RYR1: variants seen among roughly 807,000 people sequenced by gnomAD.
The protein encoded by RYR1 is central core disease of muscle.
In RYR1, 342 loss-of-function variants were observed where a neutral mutation model predicts 583.5. The observed-to-expected ratio is 0.59, with a 90% CI of 0.54 to 0.64. RYR1 has a LOEUF of 0.64. Ranked by LOEUF, RYR1 falls within the 30% of genes least tolerant of loss-of-function variation. The pLI, the probability that RYR1 is intolerant of heterozygous loss-of-function variation, is 0.00. For missense variants in RYR1, 6,032 were observed against 6,917.2 expected (o/e 0.87, Z 4.54); for synonymous variants, 2,791 against 2,822.5 (o/e 0.99, Z 0.35).
intron 7 of RYR1, among the ~76,000 whole-genome samples, chr19:38,445,715 G>A (rs1910658766): frequency 6.6e-6 from 1 of 152,030 alleles, no homozygotes; most frequent in Non-Finnish European, 1.5e-5. Context: ...AAGGCCAAGC[G>A]CGGTGGCTCA....
At position 38,512,321 on chromosome 19, in the gene RYR1, G is replaced by A. The variant is rs193922832; in HGVS notation, c.9310G>A (p.Glu3104Lys). 8.1e-6 allele frequency: 13 copies of A among 1,614,234 alleles called. No homozygotes were observed. The highest frequency in any genetic ancestry group is 2.2e-5 in the South Asian group (2 of 91,088). ...SFFESASEDI[E>K]KMVENLRLGK... Reference sequence around the variant, plus strand: ...CTTCGAGAGTGCCTCGGAGGACATCGAGAAGATGGTGGAGAACCTGCGGCT... The same window carrying A: ...CTTCGAGAGTGCCTCGGAGGACATCAAGAAGATGGTGGAGAACCTGCGGCT... The change falls in exon 63 of 106, where the codon GAG becomes AAG. Residue 3104 changes from glutamate to lysine, a missense_variant. Glu to Lys is a moderately conservative substitution (Grantham distance 56, BLOSUM62 1). Transcript: ENST00000359596. This position sits in a 1 kb window ranked among gnomAD's most constrained non-coding sequence, Gnocchi z 5.1.
In RYR1 at chr19:38,572,101, C is replaced by G. The variant is rs1308486562; in HGVS notation, c.13829C>G (p.Ser4610Cys). 2.5e-6 allele frequency: 4 copies of G among 1,614,022 alleles called. No individual in the cohort carries two copies. Among genetic ancestry groups the G allele is most frequent in the Non-Finnish European group, 3.4e-6 (4 of 1,180,036 alleles). Residue 4610 changes from serine to cysteine, a missense_variant, in exon 95 of 106, where the codon TCT (serine) becomes TGT (cysteine). Ser to Cys is a moderately radical substitution (Grantham distance 112). Transcript: ENST00000359596. The stretch of plus-strand genomic sequence containing the variant: ...TCAGGTGCAGGCTCTGGTGGCAGCT[C>G]TGGCTGGGGCTTGGGGGCCGGAGAG... ...DVSGAGSGGS[S>C]GWGLGAGEEA...
chr19:38,543,512 A>T lies in RYR1; in HGVS notation c.11779-20A>T, dbSNP rs1568557793. ...ATGGTCGGCCCCAGCACCCCCTCACACCCTACCCGCCCCCACCAGGAATCC... is the reference window on the plus strand; with the variant it reads ...ATGGTCGGCCCCAGCACCCCCTCACTCCCTACCCGCCCCCACCAGGAATCC... On this transcript the variant is annotated intron_variant, in intron 85 of 105. Coordinates refer to ENST00000359596, the MANE Select transcript of RYR1 (RefSeq NM_000540.3). The surrounding 1 kb of genome is among the most constrained non-coding windows in gnomAD (Gnocchi z 4.4). 6.2e-7 allele frequency: 1 copy of T among 1,613,816 alleles called. No individual in the cohort carries two copies. Among genetic ancestry groups the T allele is most frequent in the South Asian group, 1.1e-5 (1 of 91,070 alleles).
In RYR1 at chr19:38,448,768, T is replaced by C. The variant is rs10406027; in HGVS notation, c.1077T>C (p.Ala359=). The change falls in exon 11 of 106, where the codon GCT becomes GCC. Residue 359 remains alanine, a synonymous_variant. Coordinates refer to ENST00000359596, the MANE Select transcript of RYR1 (RefSeq NM_000540.3). ...HVASGLWLTY[A]APDPKALRLG... is the part of the protein sequence containing the mutation. ...CCTCAGGACTGTGGCTCACCTATGC[T>C]GCTCCAGACCCCAAGGCCCTGCGGC... is the stretch of plus-strand genomic sequence containing the variant. The C allele has an allele frequency of 0.88, 1,420,673 of 1,614,104 alleles. 626,758 individuals carry two copies. Among genetic ancestry groups the C allele is most frequent in the East Asian group, 0.99 (44,472 of 44,884 alleles).
At chr19:38,511,206 G>A (rs1263299684) in intron 60 of RYR1, among the ~76,000 whole-genome samples, 1 of 152,102 alleles carries the variant, frequency 6.6e-6, no homozygotes, top group Non-Finnish European at 1.5e-5. Context: ...TGAGGCGGGA[G>A]GATCACTTGA....
chr19:38,451,923 G>A (rs998553601), intron 12 of RYR1, 38 bp downstream of exon 12: 11 of 1,613,610 alleles, frequency 6.8e-6, no homozygotes, highest in Non-Finnish European at 8.5e-6. Context: ...TGACTCCTGT[G>A]CTGTCCCATG....
At chr19:38,467,933 C>A in intron 25 of RYR1, 121 bp downstream of exon 25, 1 of 817,684 alleles carries the variant, frequency 1.2e-6, no homozygotes, top group South Asian at 1.6e-5. Context: ...TACTGTACCA[C>A]TCATCCACCC....
chr19:38,565,647 T>G lies in RYR1; in HGVS notation c.13313T>G (p.Val4438Gly), dbSNP rs1328605630. 3.3e-5 allele frequency: 46 copies of G among 1,385,960 alleles called. No homozygotes were observed. The highest frequency in any genetic ancestry group is 4.2e-5 in the Non-Finnish European group (45 of 1,080,934). The allele number at this position is 1,385,960 out of a possible 1,614,324, so 85.9% of individuals were successfully genotyped here. The change falls in exon 91 of 106, where the codon GTG (valine) becomes GGG (glycine). Residue 4438 changes from valine to glycine, a missense_variant. Coordinates refer to ENST00000359596, the MANE Select transcript of RYR1 (RefSeq NM_000540.3). This position sits in a 1 kb window ranked among gnomAD's most constrained non-coding sequence, Gnocchi z 4.7. The stretch of plus-strand genomic sequence containing the variant: ...GGGCCGGGCGGTGCCGACGGGGCGG[T>G]GGCCGTGACCGATGGGGGCCCCTTC... ...EAGPGGADGA[V>G]AVTDGGPFRP...
chr19:38,548,481 C>A, intron 89 of RYR1, 61 bp downstream of exon 89: 1 of 1,530,370 alleles, frequency 6.5e-7, no homozygotes, highest in Non-Finnish European at 9.0e-7. Context: ...GCCAGCCATA[C>A]CCTTCTGGCT....
At chr19:38,562,726 C>CT (rs1386225618) in intron 90 of RYR1, among the ~76,000 whole-genome samples, 1 of 152,158 alleles carries the variant, frequency 6.6e-6, no homozygotes, top group Non-Finnish European at 1.5e-5. Context: ...TCCTCCTGTC[C>CT]CCCCACAGAG....
intron 1 of RYR1, among the ~76,000 whole-genome samples, chr19:38,434,842 G>A (rs942589553): frequency 1.3e-5 from 2 of 152,136 alleles, no homozygotes; most frequent in African/African-American, 4.8e-5. Context: ...CCCTCCCCCC[G>A]GGGCCCTGGA....
chr19:38,578,132 C>G lies in RYR1; in HGVS notation c.14304-12C>G. The stretch of plus-strand genomic sequence containing the variant: ...GACACTCAAGCATCTCTCCCCACCC[C>G]CGCCCCCACAGGCTCATGTCCATCG... On this transcript the variant is annotated splice_polypyrimidine_tract_variant and intron_variant, in intron 98 of 105. Coordinates refer to ENST00000359596, the MANE Select transcript of RYR1 (RefSeq NM_000540.3). The G allele has an allele frequency of 6.2e-7, 1 of 1,613,336 alleles. No homozygotes were observed. The highest frequency in any genetic ancestry group is 8.5e-7 in the Non-Finnish European group (1 of 1,179,640).
At position 38,565,154 on chromosome 19, in the gene RYR1, G is replaced by A. The variant is rs1234872842; in HGVS notation, c.12820G>A (p.Gly4274Ser). 2.7e-6 allele frequency: 4 copies of A among 1,502,078 alleles called. No individual in the cohort carries two copies. The highest frequency in any genetic ancestry group is 2.3e-4 in the Middle Eastern group (1 of 4,374). 93.0% of individuals were successfully genotyped at this position (1,502,078 alleles called of 1,614,324 possible). ...GGGCGCGGCGGAGGCGGGCGCGGAA[G>A]GCGCGGAGGAGGGCGCGGCGGGGCT... ...GAGAAEAGAE[G>S]AEEGAAGLEG... Residue 4274 changes from glycine to serine, a missense_variant, in exon 91 of 106, where the codon GGC becomes AGC. Gly to Ser is a moderately conservative substitution (Grantham distance 56). Around this residue, in one of 11 missense-constraint regions of RYR1, gnomAD observed 753 missense variants for 759.6 expected, o/e 0.99. Transcript: ENST00000359596. This position sits in a 1 kb window ranked among gnomAD's most constrained non-coding sequence, Gnocchi z 4.7.
chr19:38,502,750 G>GTGGGGC (rs1970202157), intron 48 of RYR1, 23 bp downstream of exon 48: 11 of 1,236,498 alleles, frequency 8.9e-6, no homozygotes, highest in East Asian at 5.6e-5. Context: ...AGGCTTCAGG[G>GTGGGGC]TGGGGCAGGG....
chr19:38,498,382 C>T (rs1157717005), intron 42 of RYR1, among the ~76,000 whole-genome samples: 2 of 151,756 alleles, frequency 1.3e-5, no homozygotes, highest in Non-Finnish European at 2.9e-5. Flanking sequence ...GGAGGAGGCT[C>T]GTGTTGTGGT....
chr19:38,525,646 TC>T, intron 71 of RYR1, 144 bp downstream of exon 71: 1 of 927,640 alleles, frequency 1.1e-6, no homozygotes, highest in South Asian at 1.4e-5. Flanking sequence ...TGAGTTCTTT[TC>T]CGGGATGCTG....
Position 38,532,799 on chromosome 19 carries a change from A to T in RYR1, c.11259+63A>T, listed in dbSNP as rs1971801109. The T allele has an allele frequency of 4.6e-6, 7 of 1,516,308 alleles. No homozygotes were observed. In the South Asian group the frequency reaches 7.9e-5, roughly 17 times the overall value. 93.9% of individuals were successfully genotyped at this position (1,516,308 alleles called of 1,614,324 possible). ...GGGACCCTGACTGCAGTCATCTCCC[A>T]TTCATTCAGCATGTGTTCACAGAGC... On this transcript the variant is annotated intron_variant, in intron 78 of 105. Transcript: ENST00000359596.
Position 38,535,991 on chromosome 19 carries a change from C to T in RYR1, c.11517-6C>T. 1 of 1,613,356 alleles carries T rather than the reference C, an allele frequency of 6.2e-7. No homozygotes were observed. Among genetic ancestry groups the T allele is most frequent in the Non-Finnish European group, 8.5e-7 (1 of 1,179,772 alleles). ...ATACCCCCTATCTTTCCTTTCTTTT[C>T]CTCAGCGTCCTGGATCTCAATGCCT... On this transcript the variant is annotated splice_region_variant and splice_polypyrimidine_tract_variant and intron_variant, in intron 81 of 105. Transcript: ENST00000359596.
At chr19:38,480,059 G>T (rs1176971416) in intron 31 of RYR1, among the ~76,000 whole-genome samples, 1 of 151,974 alleles carries the variant, frequency 6.6e-6, no homozygotes, top group Non-Finnish European at 1.5e-5. Context: ...ACGTATACAA[G>T]AATGGAATAG....
Sources: gnomAD v4.1 joint callset for allele counts (sites outside exome capture counted in the v4.1 genomes callset) on GRCh38, gnomAD v4.1.1 for gene constraint, gnomAD v4.1.1 regional missense constraint, Gnocchi (gnomAD v3.1) non-coding constraint, MANE v1.5 for transcripts, NCBI Gene and HGNC (gene_info 2026-07-23, HGNC 2026-07-21) for gene names.